FBXL17: variants seen among roughly 807,000 people sequenced by gnomAD.
The protein encoded by FBXL17 is F-box/LRR-repeat protein 17.
In FBXL17, 22 loss-of-function variants were observed where a neutral mutation model predicts 66.2. That is an observed-to-expected ratio of 0.33 (90% CI 0.24 to 0.47). The LOEUF (loss-of-function observed/expected upper bound fraction) is 0.47, where lower values mean the gene tolerates loss of function less well. Among genes scored for constraint, FBXL17 ranks in the 20% least tolerant of loss-of-function variants. The pLI, the probability that FBXL17 is intolerant of heterozygous loss-of-function variation, is 1.00. For missense variants in FBXL17, 878 were observed against 948.2 expected, an observed-to-expected ratio of 0.93 and a Z score of 0.97; for synonymous variants, 474 against 400.5, an observed-to-expected ratio of 1.18 and a Z score of -2.19.
intron 4 of FBXL17, among the ~76,000 whole-genome samples, chr5:108,246,650 C>G (rs1157471610): frequency 6.6e-6 from 1 of 152,162 alleles, no homozygotes; most frequent in African/African-American, 2.4e-5. Context: ...CTAATAATCT[C>G]GTAAACAGAA....
intron 6 of FBXL17, among the ~76,000 whole-genome samples, chr5:108,068,141 A>C (rs963860715): frequency 6.6e-6 from 1 of 152,190 alleles, no homozygotes; most frequent in Non-Finnish European, 1.5e-5. Context: ...ATAGACTATC[A>C]CTTTTTAGAT....
intron 7 of FBXL17, among the ~76,000 whole-genome samples, chr5:107,991,101 T>G (rs186827623): frequency 6.6e-5 from 10 of 152,272 alleles, no homozygotes; most frequent in African/African-American, 2.4e-4. Context: ...GTAGGGGTAA[T>G]GTCAAAATGA....
intron 5 of FBXL17, among the ~76,000 whole-genome samples, chr5:108,204,913 ATT>A (rs544729527): frequency 4.0e-5 from 6 of 151,062 alleles, no homozygotes; most frequent in African/African-American, 1.5e-4. Flanking sequence ...AATATTTTGC[ATT>A]TTTTTTTCTT....
At chr5:107,988,014 T>A (rs1228734569) in intron 7 of FBXL17, among the ~76,000 whole-genome samples, 1 of 151,988 alleles carries the variant, frequency 6.6e-6, no homozygotes, top group Non-Finnish European at 1.5e-5. Flanking sequence ...TACAGATATG[T>A]TTGAAAACGA....
chr5:108,057,869 T>C (rs1747769239), intron 6 of FBXL17, among the ~76,000 whole-genome samples: 2 of 152,238 alleles, frequency 1.3e-5, no homozygotes, highest in Admixed American at 1.3e-4. Flanking sequence ...GGCACATTTT[T>C]TGAAACTTTC....
At chr5:108,346,506 T>C (rs1436720791) in intron 4 of FBXL17, among the ~76,000 whole-genome samples, 1 of 152,136 alleles carries the variant, frequency 6.6e-6, no homozygotes, top group African/African-American at 2.4e-5. Flanking sequence ...TAAAACTATT[T>C]CTTTATGTTT....
At chr5:108,217,436 C>T (rs1580633781) in intron 5 of FBXL17, among the ~76,000 whole-genome samples, 1 of 152,080 alleles carries the variant, frequency 6.6e-6, no homozygotes, top group South Asian at 2.1e-4. Flanking sequence ...GTAACACCGG[C>T]AACTTTTTTT....
At chr5:108,348,334 A>G in intron 4 of FBXL17, 65 bp downstream of exon 4, 1 of 1,398,366 alleles carries the variant, frequency 7.2e-7, no homozygotes, top group Non-Finnish European at 9.7e-7. Flanking sequence ...AATTATAAAT[A>G]AACTTGAAAG....
intron 5 of FBXL17, among the ~76,000 whole-genome samples, chr5:108,192,321 T>G (rs931086107): frequency 2.0e-5 from 3 of 152,240 alleles, no homozygotes; most frequent in Admixed American, 6.5e-5. Flanking sequence ...AATCAAGATC[T>G]AAATGTTTCA....
At chr5:108,351,779 A>G (rs559565099) in intron 3 of FBXL17, among the ~76,000 whole-genome samples, 9 of 152,354 alleles carry the variant, frequency 5.9e-5, no homozygotes, top group South Asian at 4.1e-4. Context: ...CAGTTAGTAC[A>G]CAAGCTAGAA....
rs1216296407 is a variant in FBXL17, at chr5:107,861,008, A to G, written c.*712T>C. The G allele has an allele frequency of 6.6e-6, 1 of 152,246 alleles. No individual in the cohort carries two copies. Among genetic ancestry groups the G allele is most frequent in the Non-Finnish European group, 1.5e-5 (1 of 68,048 alleles). 9.4% of individuals were successfully genotyped at this position (152,246 alleles called of 1,614,324 possible). A position where few individuals can be genotyped will look rare whatever the true frequency, so the allele number is the denominator to read the frequency against. On this transcript the variant is annotated 3_prime_UTR_variant, in exon 9 of 9. Coordinates refer to ENST00000542267, the MANE Select transcript of FBXL17 (RefSeq NM_001163315.3). Reference sequence around the variant, plus strand: ...TTAGTGCTCAACAGAATGCATTTGTAGAATAATGTATAATTAACTTTCGTG... The same window carrying G: ...TTAGTGCTCAACAGAATGCATTTGTGGAATAATGTATAATTAACTTTCGTG...
Position 108,030,703 on chromosome 5 carries a change from T to A in FBXL17, c.1746-9702A>T, listed in dbSNP as rs553337378. 7.6e-4 allele frequency among the ~76,000 whole-genome samples: 115 copies of A among 152,208 alleles called. 1 individual carries two copies. In the South Asian group the frequency reaches 0.014, roughly 18 times the overall value. ...TCAAGTACCCAACTAAATAAAGGCA[T>A]AACATTCTGGCATTCTGTGAAAGAA... On this transcript the variant is annotated intron_variant, in intron 6 of 8. Transcript: ENST00000542267.
intron 6 of FBXL17, among the ~76,000 whole-genome samples, chr5:108,096,854 G>T (rs1326599841): frequency 6.6e-6 from 1 of 152,212 alleles, no homozygotes; most frequent in Non-Finnish European, 1.5e-5. Flanking sequence ...TAAGCATCCT[G>T]CTTTGGGCTT....
intron 6 of FBXL17, among the ~76,000 whole-genome samples, chr5:108,103,646 A>C (rs952151776): frequency 1.2e-4 from 19 of 152,208 alleles, no homozygotes; most frequent in African/African-American, 4.3e-4. Flanking sequence ...TCCTGTAGTA[A>C]AACTTTTTAT....
intron 6 of FBXL17, among the ~76,000 whole-genome samples, chr5:108,033,496 A>G (rs1746720277): frequency 6.6e-6 from 1 of 152,156 alleles, no homozygotes; most frequent in Non-Finnish European, 1.5e-5. Context: ...TTCATGCCCA[A>G]TGCCCATTCC....
At chr5:107,937,266 T>C (rs73202567) in intron 7 of FBXL17, among the ~76,000 whole-genome samples, 1,800 of 152,202 alleles carry the variant, frequency 0.012, 36 homozygotes, top group African/African-American at 0.041. Context: ...CAGTCACCAA[T>C]GGGTGAAGCA....
chr5:108,179,279 C>T (rs1001343305), intron 6 of FBXL17, among the ~76,000 whole-genome samples: 4 of 151,944 alleles, frequency 2.6e-5, no homozygotes, highest in Non-Finnish European at 5.9e-5. Context: ...AATAAACATC[C>T]AGAGAAGATC....
chr5:107,906,244 A>G (rs1580700928), intron 7 of FBXL17, among the ~76,000 whole-genome samples: 2 of 152,162 alleles, frequency 1.3e-5, no homozygotes, highest in South Asian at 4.1e-4. Context: ...TTATGTTTAT[A>G]TGTATATGCT....
chr5:107,980,877 C>T (rs1279380444), intron 7 of FBXL17, among the ~76,000 whole-genome samples: 1 of 150,886 alleles, frequency 6.6e-6, no homozygotes, highest in Non-Finnish European at 1.5e-5. Context: ...ATCTCCTGAC[C>T]TCGTGATCCG....
Sources: gnomAD v4.1 joint callset for allele counts (sites outside exome capture counted in the v4.1 genomes callset) on GRCh38, gnomAD v4.1.1 for gene constraint, MANE v1.5 for transcripts, NCBI Gene and HGNC (gene_info 2026-07-23, HGNC 2026-07-21) for gene names.